Variants in PHKB observed in about 807,000 individuals in gnomAD.
PHKB encodes phosphorylase b kinase regulatory subunit beta.
PHKB carries 122 observed loss-of-function variants against 152.1 expected under a neutral mutation model. The observed-to-expected ratio is 0.80, with a 90% CI of 0.69 to 0.93. The LOEUF (loss-of-function observed/expected upper bound fraction) is 0.93, where lower values mean the gene tolerates loss of function less well. Among genes scored for constraint, PHKB ranks in the 40% least tolerant of loss-of-function variants. The pLI, the probability that PHKB is intolerant of heterozygous loss-of-function variation, is 0.00. For synonymous variants in PHKB, 436 were observed against 464.9 expected (o/e 0.94, Z 0.80); for missense variants, 1,304 against 1,328.4 (o/e 0.98, Z 0.29).
At chr16:47,531,361 C>G (rs1194491316) in intron 6 of PHKB, among the ~76,000 whole-genome samples, 1 of 152,172 alleles carries the variant, frequency 6.6e-6, no homozygotes. Flanking sequence ...TTTTTGATCT[C>G]AAGGTCCTTT....
chr16:47,699,438 C>A lies in PHKB; in HGVS notation c.*72C>A. On this transcript the variant is annotated 3_prime_UTR_variant, in exon 31 of 31. Transcript: ENST00000323584. ...GTTGTGTTTCATGTTCAAGCTTAAT[C>A]AAGGCAGCCATTAATATACGAACTG... 6.4e-7 allele frequency: 1 copy of A among 1,560,774 alleles called. No homozygotes were observed. Among genetic ancestry groups the A allele is most frequent in the Non-Finnish European group, 8.8e-7 (1 of 1,131,566 alleles).
intron 1 of PHKB, among the ~76,000 whole-genome samples, chr16:47,475,208 A>G (rs1181429379): frequency 6.6e-6 from 1 of 152,214 alleles, no homozygotes; most frequent in East Asian, 1.9e-4. Context: ...TGCAAGTCTA[A>G]CTTCAAAAAT....
chr16:47,624,374 C>G (rs575624196), intron 14 of PHKB, among the ~76,000 whole-genome samples: 11 of 152,270 alleles, frequency 7.2e-5, no homozygotes, highest in Non-Finnish European at 1.5e-4. Context: ...ATGAATAACC[C>G]TATGTAGCAG....
At chr16:47,496,556 T>G (rs1970235873) in intron 1 of PHKB, among the ~76,000 whole-genome samples, 2 of 152,226 alleles carry the variant, frequency 1.3e-5, no homozygotes, top group South Asian at 4.1e-4. Context: ...ATACATTACC[T>G]GAATCCAGAG....
intron 6 of PHKB, among the ~76,000 whole-genome samples, chr16:47,539,746 T>C (rs1374131113): frequency 2.6e-5 from 4 of 152,206 alleles, no homozygotes. Flanking sequence ...TGGGCATTTA[T>C]CACTTCCCAA....
intron 20 of PHKB, among the ~76,000 whole-genome samples, chr16:47,654,013 A>G (rs1187105874): frequency 6.6e-6 from 1 of 152,216 alleles, no homozygotes; most frequent in East Asian, 1.9e-4. Flanking sequence ...GGAATCAGAA[A>G]TAGTTCACTC....
intron 17 of PHKB, 75 bp downstream of exon 17, chr16:47,648,691 T>C (rs1320417235): frequency 2.2e-6 from 2 of 901,564 alleles, no homozygotes; most frequent in East Asian, 4.8e-5. Context: ...TGACCTGCTA[T>C]GCATCCTTTT....
chr16:47,493,677 G>A (rs889223605), intron 1 of PHKB, among the ~76,000 whole-genome samples: 1 of 152,180 alleles, frequency 6.6e-6, no homozygotes, highest in African/African-American at 2.4e-5. Flanking sequence ...CAGAAACCTA[G>A]TGGGACTCAT....
chr16:47,566,999 T>C (rs1316137005), intron 7 of PHKB: 7 of 422,750 alleles, frequency 1.7e-5, no homozygotes, highest in Non-Finnish European at 3.0e-5. Context: ...TATAGCCTTG[T>C]AGTATAATTT....
rs577779595 is a variant in PHKB, at chr16:47,683,077, C to T, written c.2631-5964C>T. Among the ~76,000 whole-genome samples the T allele has an allele frequency of 1.4e-4, 21 of 152,306 alleles. No homozygotes were observed. In the South Asian group the frequency reaches 4.2e-3, roughly 30 times the overall value. ...ATCAGCAGCAGTGGCTGTAGAACAG[C>T]GGATCTTGGTGAACCGCAAATGCTG... On this transcript the variant is annotated intron_variant, in intron 26 of 30. Coordinates refer to ENST00000323584, the MANE Select transcript of PHKB (RefSeq NM_000293.3).
intron 8 of PHKB, among the ~76,000 whole-genome samples, chr16:47,586,275 G>A (rs1597104292): frequency 6.6e-6 from 1 of 152,264 alleles, no homozygotes; most frequent in Non-Finnish European, 1.5e-5. Flanking sequence ...GGTCAAATTT[G>A]ATCTTGTCTG....
At chr16:47,495,298 G>T (rs918380853) in intron 1 of PHKB, among the ~76,000 whole-genome samples, 1 of 150,066 alleles carries the variant, frequency 6.7e-6, no homozygotes, top group Admixed American at 6.6e-5. Context: ...TAAAATCTTG[G>T]TATAAATATC....
At chr16:47,500,649 G>A (rs1242966312) in intron 3 of PHKB, among the ~76,000 whole-genome samples, 1 of 151,560 alleles carries the variant, frequency 6.6e-6, no homozygotes, top group Admixed American at 6.6e-5. Context: ...CTGCACTTCA[G>A]CATAGTATCT....
In PHKB at chr16:47,689,098, C is replaced by A; in HGVS notation, c.2688C>A (p.Ala896=). The A allele has an allele frequency of 6.2e-7, 1 of 1,613,848 alleles. No individual in the cohort carries two copies. Among genetic ancestry groups the A allele is most frequent in the Non-Finnish European group, 8.5e-7 (1 of 1,179,808 alleles). The change falls in exon 27 of 31, where the codon GCC becomes GCA. Residue 896 remains alanine (A), a synonymous_variant. Coordinates refer to ENST00000323584, the MANE Select transcript of PHKB (RefSeq NM_000293.3). ...ELQIRGGDKP[A]LDLYQLSPSE... ...AGATCCGTGGCGGAGACAAGCCAGC[C>A]TTGGACTTGTATCAGCTGTCACCTA...
At chr16:47,618,770 A>G (rs1228946414) in intron 14 of PHKB, among the ~76,000 whole-genome samples, 2 of 152,206 alleles carry the variant, frequency 1.3e-5, no homozygotes, top group Non-Finnish European at 2.9e-5. Flanking sequence ...TATACAAAAT[A>G]CCATATTATC....
intron 4 of PHKB, among the ~76,000 whole-genome samples, chr16:47,503,387 C>T (rs1019827219): frequency 3.9e-5 from 6 of 152,128 alleles, no homozygotes; most frequent in African/African-American, 9.7e-5. Flanking sequence ...CTCACAATAT[C>T]GATAATTCTA....
intron 14 of PHKB, among the ~76,000 whole-genome samples, chr16:47,624,424 A>G (rs1423375399): frequency 1.3e-5 from 2 of 152,230 alleles, no homozygotes; most frequent in Non-Finnish European, 2.9e-5. Context: ...AAATTGTGCA[A>G]AGTGGGAGAT....
At chr16:47,579,974 A>G (rs1433617704) in intron 7 of PHKB, among the ~76,000 whole-genome samples, 1 of 152,134 alleles carries the variant, frequency 6.6e-6, no homozygotes, top group Non-Finnish European at 1.5e-5. Context: ...ATCATAATAT[A>G]CCTTCCTCTA....
chr16:47,581,157 C>CA (rs1006768947), intron 8 of PHKB, among the ~76,000 whole-genome samples: 8 of 149,548 alleles, frequency 5.3e-5, no homozygotes, highest in Non-Finnish European at 1.0e-4. Context: ...CACAGTTGTG[C>CA]AAAAAAAACG....
Sources: allele counts gnomAD v4.1 joint callset (sites outside exome capture counted in the v4.1 genomes callset), GRCh38; gene constraint gnomAD v4.1.1; transcripts MANE v1.5; gene names NCBI Gene and HGNC (gene_info 2026-07-23, HGNC 2026-07-21).